DHX15: variants seen among roughly 807,000 people sequenced by gnomAD.
DHX15 encodes DEAH-box helicase 15.
In DHX15, 11 loss-of-function variants were observed where a neutral mutation model predicts 94.4. That is an observed-to-expected ratio of 0.12 (90% CI 0.07 to 0.19). The LOEUF is 0.19. DHX15 is among the 10% of genes least tolerant of loss of function. The probability of loss-of-function intolerance (pLI) is 1.00; values close to 1 mark genes in which losing one functional copy is unlikely to be tolerated. For synonymous variants in DHX15, 338 were observed against 329.9 expected, an observed-to-expected ratio of 1.02 and a Z score of -0.27; for missense variants, 304 against 988.5, an observed-to-expected ratio of 0.31 and a Z score of 9.29.
intron 8 of DHX15, among the ~76,000 whole-genome samples, chr4:24,541,609 A>G (rs1721314507): frequency 6.6e-6 from 1 of 152,090 alleles, no homozygotes; most frequent in Non-Finnish European, 1.5e-5. Flanking sequence ...GTAAAGAAAG[A>G]TATTTATACA....
chr4:24,550,572 A>G (rs906956911), intron 5 of DHX15, among the ~76,000 whole-genome samples: 77 of 152,176 alleles, frequency 5.1e-4, no homozygotes, highest in African/African-American at 1.8e-3. Context: ...AGGCCCCCAC[A>G]GGGTCAGGAT....
Position 24,529,021 on chromosome 4 carries a change from C to A in DHX15, c.2270+580G>T, listed in dbSNP as rs184784220. ...AAAAATTAAAAAAATTAAAAAAAAACCCTTTTTTAAAAGTATGTCTGAGAG... is the reference window on the plus strand; with the variant it reads ...AAAAATTAAAAAAATTAAAAAAAAAACCTTTTTTAAAAGTATGTCTGAGAG... On this transcript the variant is annotated intron_variant, in intron 13 of 13. Transcript: ENST00000336812. Among the ~76,000 whole-genome samples the A allele has an allele frequency of 5.6e-4, 85 of 151,182 alleles. 1 individual carries two copies. In the East Asian group the frequency reaches 0.013, roughly 23 times the overall value.
At chr4:24,534,149 G>A (rs963510550) in intron 11 of DHX15, 7 of 152,126 alleles carry the variant, frequency 4.6e-5, no homozygotes, top group African/African-American at 1.7e-4. Context: ...TAATCCATCT[G>A]GAATGAGAAA....
At chr4:24,548,810 A>G in intron 6 of DHX15, 45 bp downstream of exon 6, 3 of 1,556,652 alleles carry the variant, frequency 1.9e-6, no homozygotes, top group Non-Finnish European at 2.6e-6. Context: ...ATATCTCATA[A>G]ATCATTATTA....
At chr4:24,573,637 T>C (rs1189034806) in intron 2 of DHX15, among the ~76,000 whole-genome samples, 3 of 152,130 alleles carry the variant, frequency 2.0e-5, no homozygotes, top group Non-Finnish European at 4.4e-5. Flanking sequence ...ATCCTCATCA[T>C]TCCTCTTCAA....
At chr4:24,552,508 C>T (rs2109405268) in intron 5 of DHX15, among the ~76,000 whole-genome samples, 1 of 152,260 alleles carries the variant, frequency 6.6e-6, no homozygotes, top group South Asian at 2.1e-4. Context: ...TTCTTAAAAA[C>T]CAGTTTTAAA....
chr4:24,555,913 T>A (rs1369696798), intron 4 of DHX15, among the ~76,000 whole-genome samples: 1 of 151,990 alleles, frequency 6.6e-6, no homozygotes, highest in East Asian at 1.9e-4. Context: ...AGGACATGGA[T>A]CTGAGGGAGA....
intron 12 of DHX15, chr4:24,530,169 G>C (rs1721045786): frequency 7.9e-6 from 2 of 252,110 alleles, no homozygotes; most frequent in Admixed American, 1.1e-4. Flanking sequence ...GTTTTGACAA[G>C]GACTTCATGG....
chr4:24,538,248 T>C (rs1366389549), intron 10 of DHX15: 1 of 152,198 alleles, frequency 6.6e-6, no homozygotes, highest in Non-Finnish European at 1.5e-5. Flanking sequence ...GGATAGAAGA[T>C]AATGGGAATA....
At chr4:24,570,998 A>G in intron 2 of DHX15, 151 bp from the exon 3 acceptor site, 5 of 791,004 alleles carry the variant, frequency 6.3e-6, no homozygotes, top group Non-Finnish European at 7.9e-6. Context: ...TTGTAACAAC[A>G]CAAGCTCTCT....
intron 3 of DHX15, among the ~76,000 whole-genome samples, chr4:24,568,417 A>C (rs1385264287): frequency 6.6e-6 from 1 of 152,208 alleles, no homozygotes; most frequent in African/African-American, 2.4e-5. Flanking sequence ...AAGAAACCCC[A>C]ATAAGCTTAC....
At chr4:24,542,217 G>A (rs1560763398) in intron 7 of DHX15, among the ~76,000 whole-genome samples, 195 bp from the exon 8 acceptor site, 1 of 152,130 alleles carries the variant, frequency 6.6e-6, no homozygotes, top group African/African-American at 2.4e-5. Flanking sequence ...TCGATCATCT[G>A]AAAGACTCTA....
intron 10 of DHX15, chr4:24,538,502 C>T (rs916518918): frequency 1.3e-5 from 2 of 152,076 alleles, no homozygotes; most frequent in African/African-American, 4.8e-5. Flanking sequence ...TCTCAAAGGC[C>T]TCTAGATTTG....
At chr4:24,548,138 TAC>T (rs1721496216) in intron 6 of DHX15, among the ~76,000 whole-genome samples, 1 of 139,476 alleles carries the variant, frequency 7.2e-6, no homozygotes, top group Non-Finnish European at 1.6e-5. Flanking sequence ...TGATCAGTGC[TAC>T]TTTTTTTTTT....
At chr4:24,563,481 T>A (rs1462399195) in intron 3 of DHX15, 1 of 152,178 alleles carries the variant, frequency 6.6e-6, no homozygotes, top group Non-Finnish European at 1.5e-5. Context: ...AACCTTAATG[T>A]CCATGCAGCC....
chr4:24,563,832 G>A (rs751784077), intron 3 of DHX15, among the ~76,000 whole-genome samples: 4 of 152,046 alleles, frequency 2.6e-5, no homozygotes, highest in South Asian at 4.2e-4. Context: ...TTGGGAGGCC[G>A]AGGTGGGTGG....
At chr4:24,556,025 G>A (rs1417956679) in intron 4 of DHX15, among the ~76,000 whole-genome samples, 1 of 152,046 alleles carries the variant, frequency 6.6e-6, no homozygotes, top group Non-Finnish European at 1.5e-5. Flanking sequence ...AGAACTAGGT[G>A]GGTTACAAAT....
chr4:24,538,349 C>T (rs1030805050), intron 10 of DHX15: 3 of 151,978 alleles, frequency 2.0e-5, no homozygotes, highest in African/African-American at 7.2e-5. Flanking sequence ...ATAGTGACAA[C>T]AAAACATGAT....
chr4:24,583,943 C>T (rs1722540884), intron 1 of DHX15, among the ~76,000 whole-genome samples: 1 of 152,234 alleles, frequency 6.6e-6, no homozygotes, highest in Non-Finnish European at 1.5e-5. Context: ...ACTCCCACCG[C>T]GCCCTCCCCC....
Sources: allele counts gnomAD v4.1 joint callset (sites outside exome capture counted in the v4.1 genomes callset), GRCh38; gene constraint gnomAD v4.1.1; transcripts MANE v1.5; gene names NCBI Gene and HGNC (gene_info 2026-07-23, HGNC 2026-07-21).